CHD9: variants seen among roughly 807,000 people sequenced by gnomAD.
The protein encoded by CHD9 is ATP-dependent chromatin remodeler CHD9.
CHD9 carries 77 observed loss-of-function variants against 316.1 expected under a neutral mutation model. The observed-to-expected ratio is 0.24, with a 90% CI of 0.20 to 0.29. The LOEUF (loss-of-function observed/expected upper bound fraction) is 0.29, where lower values mean the gene tolerates loss of function less well. Among genes scored for constraint, CHD9 ranks in the 10% least tolerant of loss-of-function variants. The probability of loss-of-function intolerance (pLI) is 1.00; values close to 1 mark genes in which losing one functional copy is unlikely to be tolerated. For missense variants in CHD9, 2,763 were observed against 3,438.1 expected (o/e 0.80, Z 4.91); for synonymous variants, 1,129 against 1,158.3 (o/e 0.97, Z 0.51).
chr16:53,315,167 T>A, intron 36 of CHD9, 123 bp downstream of exon 36: 1 of 672,646 alleles, frequency 1.5e-6, no homozygotes, highest in African/African-American at 1.8e-5. Flanking sequence ...CCTAGGAGAA[T>A]TAGCAGAAAA....
At chr16:53,091,001 A>C (rs927029043) in intron 1 of CHD9, among the ~76,000 whole-genome samples, 83 of 147,086 alleles carry the variant, frequency 5.6e-4, no homozygotes, top group South Asian at 1.5e-3. Flanking sequence ...GGAACAGCTC[A>C]CCCCCCCCCG....
chr16:53,202,339 A>T (rs563004208), intron 2 of CHD9, among the ~76,000 whole-genome samples: 3 of 152,206 alleles, frequency 2.0e-5, no homozygotes, highest in South Asian at 4.1e-4. Flanking sequence ...CATATAAACC[A>T]AATGCAATGC....
At chr16:53,190,493 A>G (rs1242353233) in intron 2 of CHD9, among the ~76,000 whole-genome samples, 1 of 152,062 alleles carries the variant, frequency 6.6e-6, no homozygotes, top group Non-Finnish European at 1.5e-5. Context: ...TTAATATCTC[A>G]CAATTTCCTG....
chr16:53,067,922 G>C (rs968701262), intron 1 of CHD9, among the ~76,000 whole-genome samples: 2 of 152,186 alleles, frequency 1.3e-5, no homozygotes, highest in Non-Finnish European at 2.9e-5. Context: ...AGCTGGGCAT[G>C]GTGGCATGTG....
At chr16:53,240,863 C>G (rs1435040111) in intron 12 of CHD9, among the ~76,000 whole-genome samples, 2 of 151,866 alleles carry the variant, frequency 1.3e-5, no homozygotes, top group Admixed American at 1.3e-4. Context: ...TCCATTTTAC[C>G]CATGAGAAAA....
chr16:53,259,479 G>A (rs575143103), intron 19 of CHD9, among the ~76,000 whole-genome samples: 13 of 151,670 alleles, frequency 8.6e-5, no homozygotes, highest in South Asian at 2.1e-4. Context: ...ATGTTTAATC[G>A]TTCCTCATGG....
intron 15 of CHD9, among the ~76,000 whole-genome samples, chr16:53,246,937 T>C (rs2049683922): frequency 6.6e-6 from 1 of 152,230 alleles, no homozygotes; most frequent in Non-Finnish European, 1.5e-5. Flanking sequence ...TGTTTAAATA[T>C]TAGATATTTA....
intron 17 of CHD9, among the ~76,000 whole-genome samples, chr16:53,250,900 TAAA>T (rs1167493780): frequency 4.6e-5 from 7 of 152,082 alleles, no homozygotes; most frequent in Non-Finnish European, 8.8e-5. Flanking sequence ...AACAACCCAT[TAAA>T]TAACTACCTT....
At chr16:53,251,196 C>A (rs1028103663) in intron 17 of CHD9, among the ~76,000 whole-genome samples, 4 of 152,136 alleles carry the variant, frequency 2.6e-5, no homozygotes, top group African/African-American at 4.8e-5. Flanking sequence ...GGTAAAAAAG[C>A]CATTCTTAGT....
intron 1 of CHD9, among the ~76,000 whole-genome samples, chr16:53,125,218 A>ATTTTTTTTTTTTTTTTTTT (rs34096444): frequency 1.0e-5 from 1 of 95,760 alleles, no homozygotes; most frequent in Non-Finnish European, 2.0e-5. Context: ...TCAAGTTAGG[A>ATTTTTTTTTTTTTTTTTTT]TTTTTTTTTT....
At chr16:53,124,115 G>T (rs1470125251) in intron 1 of CHD9, among the ~76,000 whole-genome samples, 1 of 152,132 alleles carries the variant, frequency 6.6e-6, no homozygotes, top group Non-Finnish European at 1.5e-5. Context: ...GGGTTGCTGG[G>T]TTATATGGTA....
At chr16:53,208,138 A>G in intron 2 of CHD9, 1 of 1,075,262 alleles carries the variant, frequency 9.3e-7, no homozygotes, top group Non-Finnish European at 1.1e-6. Context: ...AACAGTAGAT[A>G]TAAACTTGCC....
intron 2 of CHD9, among the ~76,000 whole-genome samples, chr16:53,171,436 T>G (rs1241677414): frequency 1.3e-5 from 2 of 152,104 alleles, no homozygotes; most frequent in East Asian, 3.9e-4. Context: ...TAAAATAAAA[T>G]AAAAATAAAA....
chr16:53,288,483 C>A (rs933931278), intron 27 of CHD9, among the ~76,000 whole-genome samples: 2 of 152,140 alleles, frequency 1.3e-5, no homozygotes, highest in Non-Finnish European at 2.9e-5. Context: ...GATGAAAGTA[C>A]AGAAAATAAT....
At position 53,297,128 on chromosome 16, in the gene CHD9, C is replaced by T. The variant is rs773225940; in HGVS notation, c.5683C>T (p.Arg1895Trp). The T allele has an allele frequency of 1.2e-5, 19 of 1,613,684 alleles. No homozygotes were observed. Among genetic ancestry groups the T allele is most frequent in the South Asian group, 2.2e-5 (2 of 91,068 alleles). ...KYLYAFMSMC[R>W]RVCRLPSKEE... is the part of the protein sequence containing the mutation. ...TTTGTACGCATTCATGTCCATGTGT[C>T]GGAGGGTTTGTCGTCTTCCTTCCAA... Residue 1895 changes from arginine to tryptophan, a missense_variant, in exon 30 of 39, where the codon CGG (arginine) becomes TGG (tryptophan). Arg to Trp is a moderately radical substitution (Grantham distance 101). Coordinates refer to ENST00000447540, the MANE Select transcript of CHD9 (RefSeq NM_001308319.2).
chr16:53,296,985 A>G lies in CHD9; in HGVS notation c.5540A>G (p.Tyr1847Cys), dbSNP rs1209318602. 3.1e-6 allele frequency: 5 copies of G among 1,613,494 alleles called. No homozygotes were observed. The highest frequency in any genetic ancestry group is 1.3e-5 in the African/African-American group (1 of 74,914). ...ACAAGAAGAGAAGAAGCTGACTTTT[A>G]TAGGGTTGTATCTACATTTGGAGTG... ...RWTRREEADF[Y>C]RVVSTFGVVF... is the part of the protein sequence containing the mutation. Residue 1847 changes from tyrosine to cysteine, a missense_variant, in exon 30 of 39, where the codon TAT becomes TGT. Coordinates refer to ENST00000447540, the MANE Select transcript of CHD9 (RefSeq NM_001308319.2).
intron 29 of CHD9, among the ~76,000 whole-genome samples, chr16:53,294,985 T>C (rs1018201875): frequency 2.6e-5 from 4 of 152,224 alleles, no homozygotes; most frequent in African/African-American, 9.6e-5. Context: ...TCCACTTCTT[T>C]TCCCTCAGCC....
chr16:53,254,546 C>G lies in CHD9; in HGVS notation c.3970C>G (p.Leu1324Val). ...GATGTTTGACCGAGCCAGTTTGAAACTGGGCCTAGATAAAGCTGTGTTACA... is the reference window on the plus strand; with the variant it reads ...GATGTTTGACCGAGCCAGTTTGAAAGTGGGCCTAGATAAAGCTGTGTTACA... ...REMFDRASLK[L>V]GLDKAVLQSM... is the part of the protein sequence containing the mutation. Residue 1324 changes from leucine to valine, a missense_variant, in exon 18 of 39, where the codon CTG becomes GTG. This residue lies in a region of CHD9 where 199 missense variants were observed against 251.7 expected (regional missense o/e 0.79). Coordinates refer to ENST00000447540, the MANE Select transcript of CHD9 (RefSeq NM_001308319.2). 6.2e-7 allele frequency: 1 copy of G among 1,613,040 alleles called. No individual in the cohort carries two copies. The highest frequency in any genetic ancestry group is 8.5e-7 in the Non-Finnish European group (1 of 1,179,362).
intron 1 of CHD9, among the ~76,000 whole-genome samples, chr16:53,069,708 G>A (rs752808725): frequency 5.3e-5 from 8 of 152,330 alleles, no homozygotes; most frequent in Non-Finnish European, 1.2e-4. Context: ...TGGGTGTATA[G>A]ATATCTGTTT....
Sources: gnomAD v4.1 joint callset for allele counts (sites outside exome capture counted in the v4.1 genomes callset) on GRCh38, gnomAD v4.1.1 for gene constraint, gnomAD v4.1.1 regional missense constraint, MANE v1.5 for transcripts, NCBI Gene and HGNC (gene_info 2026-07-23, HGNC 2026-07-21) for gene names.